DLGAP2: variants seen among roughly 807,000 people sequenced by gnomAD.
DLGAP2 encodes disks large-associated protein 2.
A neutral mutation model predicts 100.3 loss-of-function variants in DLGAP2; 26 were observed. The ratio of observed to expected loss-of-function variants is 0.26; its 90% CI spans 0.19 to 0.36. The LOEUF is 0.36. DLGAP2 is among the 10% of genes least tolerant of loss of function. The pLI, the probability that DLGAP2 is intolerant of heterozygous loss-of-function variation, is 1.00. For synonymous variants in DLGAP2, 886 were observed against 630.1 expected (o/e 1.41, Z -6.08); for missense variants, 1,858 against 1,453.2 (o/e 1.28, Z -4.53).
chr8:1,630,325 T>A lies in DLGAP2; in HGVS notation c.1591-2502T>A, dbSNP rs181040290. Among the ~76,000 whole-genome samples the A allele has an allele frequency of 2.1e-3, 320 of 152,124 alleles. 5 individuals are homozygous for A. Among genetic ancestry groups the A allele is most frequent in the Non-Finnish European group, 4.1e-4 (28 of 67,988 alleles). On this transcript the variant is annotated intron_variant, in intron 7 of 14. Transcript: ENST00000637795. ...TCTGGAAGGAAGGGGACAGTGCCCA[T>A]GGTTGAGGGTGGGACATCTGGAATT...
intron 1 of DLGAP2, among the ~76,000 whole-genome samples, chr8:759,059 C>T (rs1563415462): frequency 2.0e-4 from 28 of 142,750 alleles, no homozygotes; most frequent in African/African-American, 6.3e-4. Context: ...CCCCCACAAC[C>T]TTCCCATTAT....
At chr8:1,278,031 C>G (rs1221022359) in intron 3 of DLGAP2, among the ~76,000 whole-genome samples, 1 of 152,206 alleles carries the variant, frequency 6.6e-6, no homozygotes, top group Admixed American at 6.5e-5. Flanking sequence ...TTGTCAGTAA[C>G]AGCTTCTCAG....
At chr8:1,693,131 C>A (rs1294315019) in intron 13 of DLGAP2, among the ~76,000 whole-genome samples, 3 of 142,004 alleles carry the variant, frequency 2.1e-5, no homozygotes, top group Non-Finnish European at 4.5e-5. Context: ...ACATGCTAAA[C>A]ATTAACATAT....
chr8:1,354,653 A>G (rs1323734581), intron 3 of DLGAP2, among the ~76,000 whole-genome samples: 1,315 of 86,952 alleles, frequency 0.015, no homozygotes, highest in Middle Eastern at 0.1. Context: ...CTGCGGATGA[A>G]GGTGGAAAGT....
intron 2 of DLGAP2, among the ~76,000 whole-genome samples, chr8:928,967 C>CT (rs964296890): frequency 9.8e-5 from 14 of 143,326 alleles, no homozygotes; most frequent in African/African-American, 3.3e-4. Context: ...AGATGAAGAC[C>CT]CCCCCCGCCA....
chr8:1,138,687 GC>G (rs1157570163), intron 2 of DLGAP2, among the ~76,000 whole-genome samples: 1 of 152,244 alleles, frequency 6.6e-6, no homozygotes, highest in African/African-American at 2.4e-5. Context: ...ATTTTTTGAA[GC>G]CAAGTTTCAG....
At chr8:1,087,329 C>T (rs963034489) in intron 2 of DLGAP2, among the ~76,000 whole-genome samples, 13 of 152,172 alleles carry the variant, frequency 8.5e-5, no homozygotes, top group African/African-American at 2.4e-4. Flanking sequence ...TCCCTTCATC[C>T]GCTGTGTCCT....
intron 2 of DLGAP2, among the ~76,000 whole-genome samples, chr8:1,119,303 T>C (rs1795978954): frequency 6.6e-6 from 1 of 152,244 alleles, no homozygotes; most frequent in Admixed American, 6.5e-5. Flanking sequence ...TTAATTCATC[T>C]GCAAAATATT....
intron 1 of DLGAP2, among the ~76,000 whole-genome samples, chr8:748,122 C>G (rs1206164022): frequency 7.6e-4 from 8 of 10,562 alleles, no homozygotes; most frequent in Admixed American, 1.6e-3. Context: ...GGATGGGGAG[C>G]TCTGCGGTGG....
rs78692808 is a variant in DLGAP2, at chr8:1,387,096, C to G, written c.107-114270C>G. On this transcript the variant is annotated intron_variant, in intron 3 of 14. Coordinates refer to ENST00000637795, the MANE Select transcript of DLGAP2 (RefSeq NM_001346810.2). Reference sequence around the variant, plus strand: ...ATGTATTGCGGGTGTGGTCGAAAAGCTCAGGTATCATATAGCAAAACAGCA... The same window carrying G: ...ATGTATTGCGGGTGTGGTCGAAAAGGTCAGGTATCATATAGCAAAACAGCA... Among the ~76,000 whole-genome samples, 483 of 152,158 alleles carry G rather than the reference C, an allele frequency of 3.2e-3. 13 individuals carry two copies. In the East Asian group the frequency reaches 0.052, roughly 16 times the overall value.
chr8:1,692,480 A>G (rs575887633), intron 13 of DLGAP2, among the ~76,000 whole-genome samples: 14 of 148,508 alleles, frequency 9.4e-5, no homozygotes, highest in East Asian at 2.0e-4. Flanking sequence ...TGGTTTAAGC[A>G]GTACCGAGGC....
At chr8:835,559 C>T (rs1235032862) in intron 1 of DLGAP2, among the ~76,000 whole-genome samples, 2 of 151,626 alleles carry the variant, frequency 1.3e-5, no homozygotes, top group African/African-American at 2.4e-5. Context: ...CCCCCGTGCT[C>T]CTGTGTCCGG....
At chr8:1,358,369 C>T (rs1801903204) in intron 3 of DLGAP2, among the ~76,000 whole-genome samples, 1 of 152,080 alleles carries the variant, frequency 6.6e-6, no homozygotes, top group South Asian at 2.1e-4. Flanking sequence ...ATGGACAACT[C>T]AAGAGATCTG....
At chr8:1,527,698 C>G (rs1352829548) in intron 4 of DLGAP2, among the ~76,000 whole-genome samples, 2 of 152,182 alleles carry the variant, frequency 1.3e-5, no homozygotes, top group African/African-American at 4.8e-5. Context: ...CTGCCTGTGT[C>G]TATGCAGCAT....
rs1161844331 is a variant in DLGAP2 at position 1,317,314 on chromosome 8, AGGCTGT to A, written c.106+58433_106+58438del. On this transcript the variant is annotated intron_variant, in intron 3 of 14. Transcript: ENST00000637795. ...GAAACTCGGCAGCTTTTAAAAATAG[AGGCTGT>A]GCGAGTGCAGCGTCTCTCCAACAGT... Among the ~76,000 whole-genome samples, 460 of 136,270 alleles carry A rather than the reference AGGCTGT, an allele frequency of 3.4e-3. 3 individuals carry two copies. Among genetic ancestry groups the A allele is most frequent in the Admixed American group, 8.5e-3 (112 of 13,158 alleles). The allele number at this position is 136,270 out of a possible 152,430, so 89.4% of individuals were successfully genotyped here.
chr8:1,264,239 G>T (rs1464966651), intron 3 of DLGAP2, among the ~76,000 whole-genome samples: 6 of 152,178 alleles, frequency 3.9e-5, no homozygotes, highest in Non-Finnish European at 7.3e-5. Flanking sequence ...ACGAGTTCCA[G>T]CTGCAGTCGC....
At chr8:1,191,719 C>T (rs973366916) in intron 2 of DLGAP2, among the ~76,000 whole-genome samples, 10 of 152,174 alleles carry the variant, frequency 6.6e-5, no homozygotes, top group African/African-American at 2.4e-4. Flanking sequence ...TTAATTTCCA[C>T]CTCTGATCAC....
chr8:1,008,191 G>T (rs1801176279), intron 2 of DLGAP2, among the ~76,000 whole-genome samples: 1 of 152,212 alleles, frequency 6.6e-6, no homozygotes, highest in African/African-American at 2.4e-5. Flanking sequence ...TCAAGGTCAA[G>T]ATCTTGATAA....
intron 1 of DLGAP2, among the ~76,000 whole-genome samples, chr8:858,604 C>T (rs1470673473): frequency 6.7e-6 from 1 of 148,524 alleles, no homozygotes; most frequent in Middle Eastern, 3.5e-3. Context: ...TCACCGTGGG[C>T]ACGTGTGTGA....
Sources: allele counts gnomAD v4.1 joint callset (sites outside exome capture counted in the v4.1 genomes callset), GRCh38; gene constraint gnomAD v4.1.1; transcripts MANE v1.5; gene names NCBI Gene and HGNC (gene_info 2026-07-23, HGNC 2026-07-21).